TAOK3: variants seen among roughly 807,000 people sequenced by gnomAD.
TAOK3 encodes serine/threonine-protein kinase TAO3.
Under a neutral mutation model 120.4 loss-of-function variants are expected in TAOK3, and 40 were observed. That is an observed-to-expected ratio of 0.33 (90% CI 0.26 to 0.43). The LOEUF (loss-of-function observed/expected upper bound fraction) is 0.43. Ranked by LOEUF, TAOK3 falls within the 20% of genes least tolerant of loss-of-function variation. The pLI, the probability that TAOK3 is intolerant of heterozygous loss-of-function variation, is 1.00. For synonymous variants in TAOK3, 355 were observed against 387.5 expected (o/e 0.92, Z 0.99); for missense variants, 821 against 1,112.1 (o/e 0.74, Z 3.72).
At position 118,372,553 on chromosome 12, in the gene TAOK3, G is replaced by A; in HGVS notation, c.-194+95C>T. 1 of 155,120 alleles carries A rather than the reference G, an allele frequency of 6.4e-6. No homozygotes were observed. Among genetic ancestry groups the A allele is most frequent in the East Asian group, 1.9e-4 (1 of 5,230 alleles). The allele number at this position is 155,120 out of a possible 1,614,324, so 9.6% of individuals were successfully genotyped here. On this transcript the variant is annotated intron_variant, in intron 1 of 20. Coordinates refer to ENST00000392533, the MANE Select transcript of TAOK3 (RefSeq NM_016281.4). The surrounding 1 kb of genome is among the most constrained non-coding windows in gnomAD (Gnocchi z 4.6). The stretch of plus-strand genomic sequence containing the variant: ...TCCCGGGGTCTCCTCTCCACAGTCT[G>A]CACTGTCGAGCCCGCTCCCGCAACT...
intron 1 of TAOK3, among the ~76,000 whole-genome samples, chr12:118,320,966 A>G (rs2043678498): frequency 6.6e-6 from 1 of 152,226 alleles, no homozygotes; most frequent in Non-Finnish European, 1.5e-5. Flanking sequence ...ATAGGAAGGA[A>G]GTCCTACTAA....
At chr12:118,248,961 A>T (rs1439915422) in intron 3 of TAOK3, among the ~76,000 whole-genome samples, 1 of 152,162 alleles carries the variant, frequency 6.6e-6, no homozygotes, top group African/African-American at 2.4e-5. Context: ...AAGTCAAAAC[A>T]TGCTAGATAG....
chr12:118,177,904 C>A (rs1218787606), intron 15 of TAOK3, among the ~76,000 whole-genome samples: 2 of 152,130 alleles, frequency 1.3e-5, no homozygotes, highest in East Asian at 3.9e-4. Flanking sequence ...CATAAACATG[C>A]TTTACTGAAC....
intron 9 of TAOK3, among the ~76,000 whole-genome samples, chr12:118,222,458 G>A (rs1169006327): frequency 2.6e-5 from 4 of 151,956 alleles, no homozygotes; most frequent in Non-Finnish European, 4.4e-5. Flanking sequence ...GCTTGAACCC[G>A]GGAGGCGGTG....
At chr12:118,232,311 C>T (rs2039818986) in intron 9 of TAOK3, among the ~76,000 whole-genome samples, 1 of 152,190 alleles carries the variant, frequency 6.6e-6, no homozygotes, top group Non-Finnish European at 1.5e-5. Flanking sequence ...ATAACTGTAA[C>T]AATATTTGGG....
At chr12:118,222,260 C>T (rs917867881) in intron 9 of TAOK3, among the ~76,000 whole-genome samples, 9 of 152,110 alleles carry the variant, frequency 5.9e-5, no homozygotes, top group Middle Eastern at 3.2e-3. Flanking sequence ...GGTGGCCAGG[C>T]GTGGTGACTC....
chr12:118,204,959 G>C (rs2038218803), intron 11 of TAOK3, among the ~76,000 whole-genome samples: 1 of 152,058 alleles, frequency 6.6e-6, no homozygotes, highest in Admixed American at 6.6e-5. Flanking sequence ...CATGAGGTCA[G>C]GAGTATCAAA....
chr12:118,190,648 A>AT (rs2139088684), intron 13 of TAOK3: 1 of 152,346 alleles, frequency 6.6e-6, no homozygotes, highest in East Asian at 1.9e-4. Context: ...CAGCATCGGT[A>AT]TGGTCACCAG....
At chr12:118,219,189 T>C (rs919812025) in intron 9 of TAOK3, among the ~76,000 whole-genome samples, 1 of 152,158 alleles carries the variant, frequency 6.6e-6, no homozygotes, top group Non-Finnish European at 1.5e-5. Flanking sequence ...TTTTCACAAA[T>C]GCTGTTTTCT....
At chr12:118,369,004 G>GAAAAAAAAAAAAAAAAAA (rs975694288) in intron 1 of TAOK3, among the ~76,000 whole-genome samples, 1 of 69,370 alleles carries the variant, frequency 1.4e-5, no homozygotes, top group African/African-American at 5.6e-5. Context: ...ACTAAAAATA[G>GAAAAAAAAAAAAAAAAAA]AAAAAAAAAA....
chr12:118,357,481 A>G (rs2045445949), intron 1 of TAOK3, among the ~76,000 whole-genome samples: 1 of 152,368 alleles, frequency 6.6e-6, no homozygotes, highest in South Asian at 2.1e-4. Flanking sequence ...ACAATAAACT[A>G]GAGAAGGTTA....
At chr12:118,252,424 C>T (rs530808073) in intron 3 of TAOK3, among the ~76,000 whole-genome samples, 1 of 151,796 alleles carries the variant, frequency 6.6e-6, no homozygotes, top group Non-Finnish European at 1.5e-5. Context: ...CTTAAGGGGA[C>T]GGAGAGGGTT....
intron 1 of TAOK3, among the ~76,000 whole-genome samples, chr12:118,286,521 C>T (rs73205533): frequency 1.8e-3 from 267 of 151,212 alleles, no homozygotes; most frequent in African/African-American, 2.3e-3. Flanking sequence ...AACCACGACA[C>T]GATTATCACC....
In TAOK3 at chr12:118,329,856, G is replaced by A. The variant is rs190477285; in HGVS notation, c.-194+42792C>T. Among the ~76,000 whole-genome samples, 11 of 152,220 alleles carry A rather than the reference G, an allele frequency of 7.2e-5. No homozygotes were observed. The East Asian group carries it at 7.7e-4, about 11-fold the overall frequency. On this transcript the variant is annotated intron_variant, in intron 1 of 20. Transcript: ENST00000392533. Reference sequence around the variant, plus strand: ...TAAAGATTTGTATATAGCCACTTCCGCCAGGACTCAGAAATGAAACTCTGG... The same window carrying A: ...TAAAGATTTGTATATAGCCACTTCCACCAGGACTCAGAAATGAAACTCTGG...
intron 17 of TAOK3, among the ~76,000 whole-genome samples, chr12:118,165,019 T>C (rs2035492122): frequency 6.6e-6 from 1 of 152,138 alleles, no homozygotes. Flanking sequence ...ACAGTGAACA[T>C]GTACACCCCC....
chr12:118,206,187 G>C (rs948071739), intron 11 of TAOK3, among the ~76,000 whole-genome samples: 5 of 152,216 alleles, frequency 3.3e-5, no homozygotes, highest in African/African-American at 1.2e-4. Context: ...TTATGACAAA[G>C]ACAATAAAAG....
chr12:118,196,773 T>G (rs942549410), intron 13 of TAOK3, among the ~76,000 whole-genome samples: 20 of 152,252 alleles, frequency 1.3e-4, no homozygotes, highest in African/African-American at 4.8e-4. Context: ...GTAATTAATT[T>G]ATTCCCTGCC....
At chr12:118,367,835 A>T (rs2045782622) in intron 1 of TAOK3, among the ~76,000 whole-genome samples, 1 of 152,106 alleles carries the variant, frequency 6.6e-6, no homozygotes, top group South Asian at 2.1e-4. Context: ...AATTATTTTA[A>T]AAAAAGGGGC....
intron 1 of TAOK3, among the ~76,000 whole-genome samples, chr12:118,285,599 T>C (rs1050304107): frequency 3.4e-5 from 5 of 149,148 alleles, no homozygotes; most frequent in Non-Finnish European, 7.4e-5. Context: ...GTGATCCACC[T>C]GCCTTGGCCT....
Sources: gnomAD v4.1 joint callset for allele counts (sites outside exome capture counted in the v4.1 genomes callset) on GRCh38, gnomAD v4.1.1 for gene constraint, Gnocchi (gnomAD v3.1) non-coding constraint, MANE v1.5 for transcripts, NCBI Gene and HGNC (gene_info 2026-07-23, HGNC 2026-07-21) for gene names.